Variants in ZC3H11A observed in about 807,000 individuals in gnomAD.
The protein encoded by ZC3H11A is zinc finger CCCH domain-containing protein 11A.
A neutral mutation model predicts 90.8 loss-of-function variants in ZC3H11A; 22 were observed. That is an observed-to-expected ratio of 0.24 (90% CI 0.17 to 0.35). The LOEUF (loss-of-function observed/expected upper bound fraction) is 0.35. Ranked by LOEUF, ZC3H11A falls within the 10% of genes least tolerant of loss-of-function variation. The pLI is 1.00. For synonymous variants in ZC3H11A, 294 were observed against 339.8 expected (o/e 0.87, Z 1.48); for missense variants, 701 against 964.9 (o/e 0.73, Z 3.62).
intron 12 of ZC3H11A, among the ~76,000 whole-genome samples, chr1:203,843,346 A>G (rs1010920507): frequency 2.6e-5 from 4 of 152,164 alleles, no homozygotes; most frequent in African/African-American, 9.7e-5. Context: ...ATTTCTTTTG[A>G]GTATGACTGC....
chr1:203,820,482 G>GTGTGTGTGTGTGTGTA (rs1266406820), intron 4 of ZC3H11A, among the ~76,000 whole-genome samples: 1 of 151,968 alleles, frequency 6.6e-6, no homozygotes, highest in East Asian at 1.9e-4. Flanking sequence ...GTGTGTGTGT[G>GTGTGTGTGTGTGTGTA]TATATTTTGA....
intron 10 of ZC3H11A, chr1:203,835,651 A>G: frequency 4.6e-6 from 1 of 217,298 alleles, no homozygotes. Flanking sequence ...TTGCTTTGGA[A>G]TTTGGCATGA....
At chr1:203,842,425 C>G (rs1418239638) in intron 12 of ZC3H11A, among the ~76,000 whole-genome samples, 2 of 152,120 alleles carry the variant, frequency 1.3e-5, no homozygotes, top group African/African-American at 4.8e-5. Context: ...GGCGAAACCC[C>G]GTCTCCACCA....
chr1:203,818,712 CATA>C (rs1282157540), intron 4 of ZC3H11A, 23 bp downstream of exon 4: 1 of 1,613,610 alleles, frequency 6.2e-7, no homozygotes, highest in African/African-American at 1.3e-5. Context: ...TTTCCGTTAT[CATA>C]ATAAGTAGTC....
intron 1 of ZC3H11A, chr1:203,798,348 G>T: frequency 6.5e-7 from 1 of 1,535,646 alleles, no homozygotes; most frequent in Non-Finnish European, 8.7e-7. Flanking sequence ...TTTTTACACT[G>T]ATCCTCAGCA....
chr1:203,817,223 A>G, intron 3 of ZC3H11A, 99 bp downstream of exon 3: 3 of 972,944 alleles, frequency 3.1e-6, no homozygotes, highest in East Asian at 3.0e-5. Context: ...TTATATATAT[A>G]TTTTTTGCCC....
rs766728767 is a variant in ZC3H11A at position 203,837,957 on chromosome 1, T to C, written c.875-9T>C. The C allele has an allele frequency of 6.2e-7, 1 of 1,604,368 alleles. No homozygotes were observed. Among genetic ancestry groups the C allele is most frequent in the Non-Finnish European group, 8.5e-7 (1 of 1,177,694 alleles). On this transcript the variant is annotated splice_polypyrimidine_tract_variant and intron_variant, in intron 10 of 17. Transcript: ENST00000367210. Reference sequence around the variant, plus strand: ...TTGAAATCTTAAACTAAGTTCTCCCTCTTTATAGGCGGTGACAGTGATCCT... The same window carrying C: ...TTGAAATCTTAAACTAAGTTCTCCCCCTTTATAGGCGGTGACAGTGATCCT...
At chr1:203,826,950 C>G (rs1483368222) in intron 4 of ZC3H11A, among the ~76,000 whole-genome samples, 1 of 150,700 alleles carries the variant, frequency 6.6e-6, no homozygotes, top group Non-Finnish European at 1.5e-5. Flanking sequence ...ATCTATCTTC[C>G]CCTTCATCCC....
intron 4 of ZC3H11A, among the ~76,000 whole-genome samples, chr1:203,823,439 C>T (rs1258230655): frequency 6.6e-6 from 1 of 152,244 alleles, no homozygotes; most frequent in Non-Finnish European, 1.5e-5. Flanking sequence ...CATATAAGCA[C>T]TCTTTACCAA....
chr1:203,850,048 A>T (rs553777723), intron 15 of ZC3H11A, 22 bp downstream of exon 15: 37 of 1,610,786 alleles, frequency 2.3e-5, no homozygotes, highest in Non-Finnish European at 3.0e-5. Context: ...TATACTGTGT[A>T]TTGCTTTAGG....
intron 11 of ZC3H11A, 56 bp downstream of exon 11, chr1:203,838,120 G>A: frequency 1.3e-6 from 2 of 1,493,346 alleles, no homozygotes; most frequent in Non-Finnish European, 1.9e-6. Flanking sequence ...CTTGTGTCTT[G>A]TAATGCTAAC....
intron 2 of ZC3H11A, 47 bp from the exon 3 acceptor site, chr1:203,816,879 G>A (rs1441905897): frequency 4.0e-6 from 2 of 501,176 alleles, no homozygotes; most frequent in Non-Finnish European, 3.6e-6. Context: ...ATTTGAAGGA[G>A]GAAGAATTTA....
intron 9 of ZC3H11A, among the ~76,000 whole-genome samples, chr1:203,833,571 C>T (rs1683167373): frequency 6.9e-6 from 1 of 145,492 alleles, no homozygotes; most frequent in African/African-American, 2.5e-5. Context: ...TATGCTATTG[C>T]TTCTGTTTAG....
intron 3 of ZC3H11A, 73 bp downstream of exon 3, chr1:203,817,197 T>C: frequency 7.8e-7 from 1 of 1,284,822 alleles, no homozygotes; most frequent in Non-Finnish European, 1.1e-6. Context: ...TTTCCCAACA[T>C]TTTAAGTTGT....
chr1:203,817,398 G>C (rs1325873846), intron 3 of ZC3H11A, among the ~76,000 whole-genome samples: 2 of 149,632 alleles, frequency 1.3e-5, no homozygotes, highest in Non-Finnish European at 3.0e-5. Flanking sequence ...TCTGTTCAGG[G>C]TGCCTTTGGA....
At chr1:203,798,588 C>G (rs1174668003) in intron 1 of ZC3H11A, 2 of 1,535,970 alleles carry the variant, frequency 1.3e-6, no homozygotes, top group Non-Finnish European at 1.7e-6. Context: ...TACAGGCAGC[C>G]AAGATTTAAC....
chr1:203,829,884 A>G lies in ZC3H11A; in HGVS notation c.607A>G (p.Asn203Asp), dbSNP rs747910485. Residue 203 changes from asparagine to aspartate, a missense_variant, in exon 7 of 18, where the codon AAT becomes GAT. Coordinates refer to ENST00000367210, the MANE Select transcript of ZC3H11A (RefSeq NM_001376342.1). The stretch of plus-strand genomic sequence containing the variant: ...GACTTCTGTCCGGAAACCTGCAGTC[A>G]ATATAAAGCAAGGTAAGAAGAGGCT... ...RVTSVRKPAV[N>D]IKQGECLNFG... The G allele has an allele frequency of 6.2e-7, 1 of 1,613,868 alleles. No homozygotes were observed. Among genetic ancestry groups the G allele is most frequent in the East Asian group, 2.2e-5 (1 of 44,878 alleles).
chr1:203,840,325 T>C lies in ZC3H11A; in HGVS notation c.993T>C (p.Leu331=). The stretch of plus-strand genomic sequence containing the variant: ...TCACAGCTCAAGTTTCCAAGTCTCT[T>C]AAGGAGCGATTAGGCATGTCAGCTG... The part of the protein sequence containing the change: ...TPKKAQVSKS[L]KERLGMSADP... Residue 331 remains leucine, a synonymous_variant, in exon 12 of 18, where the codon CTT becomes CTC. Transcript: ENST00000367210. 1 of 1,613,420 alleles carries C rather than the reference T, an allele frequency of 6.2e-7. No homozygotes were observed. The highest frequency in any genetic ancestry group is 2.2e-5 in the East Asian group (1 of 44,840).
At chr1:203,833,319 C>T (rs558867387) in intron 9 of ZC3H11A, among the ~76,000 whole-genome samples, 4 of 141,458 alleles carry the variant, frequency 2.8e-5, no homozygotes, top group South Asian at 2.3e-4. Context: ...GAGCCGAGAT[C>T]GGGCCACTGC....
Sources: gnomAD v4.1 joint callset for allele counts (sites outside exome capture counted in the v4.1 genomes callset) on GRCh38, gnomAD v4.1.1 for gene constraint, MANE v1.5 for transcripts, NCBI Gene and HGNC (gene_info 2026-07-23, HGNC 2026-07-21) for gene names.